Variants in LRRC9 observed in about 807,000 individuals in gnomAD.
LRRC9 encodes leucine rich repeat containing 9.
LRRC9 carries 122 observed loss-of-function variants against 63.2 expected under a neutral mutation model. That is an observed-to-expected ratio of 1.93 (90% CI 1.67 to 2.24). LRRC9 has a LOEUF of 2.24. Ranked by LOEUF, LRRC9 falls within the 30% of genes most tolerant of loss-of-function variation. The probability of loss-of-function intolerance (pLI) is 0.00; values close to 1 mark genes in which losing one functional copy is unlikely to be tolerated. For synonymous variants in LRRC9, 366 were observed against 213.1 expected, an observed-to-expected ratio of 1.72 and a Z score of -6.25; for missense variants, 1,071 against 627.7, an observed-to-expected ratio of 1.71 and a Z score of -7.55.
Position 59,930,903 on chromosome 14 carries a change from CCTTTT to C in LRRC9, c.268-9_268-5del, listed in dbSNP as rs1361798929. The C allele has an allele frequency of 9.6e-6, 4 of 418,514 alleles. No homozygotes were observed. Among genetic ancestry groups the C allele is most frequent in the Non-Finnish European group, 1.7e-5 (4 of 232,126 alleles). 25.9% of individuals were successfully genotyped at this position (418,514 alleles called of 1,614,324 possible). On this transcript the variant is annotated splice_polypyrimidine_tract_variant and intron_variant, in intron 3 of 31. Transcript: ENST00000445360. This position sits in a 1 kb window ranked among gnomAD's most constrained non-coding sequence, Gnocchi z 4.9. ...AACATAAACTAACATTATTCAGTCT[CCTTTT>C]CTTTTACAGAAAATTGAAGGTCTTC... is the stretch of plus-strand genomic sequence containing the variant.
chr14:59,924,253 G>A (rs1889019583), intron 1 of LRRC9, among the ~76,000 whole-genome samples: 1 of 152,172 alleles, frequency 6.6e-6, no homozygotes, highest in African/African-American at 2.4e-5. Flanking sequence ...CTTTCCACGA[G>A]TAGAGGTGCT....
intron 29 of LRRC9, among the ~76,000 whole-genome samples, chr14:60,038,018 A>G (rs1892601846): frequency 6.6e-6 from 1 of 152,236 alleles, no homozygotes; most frequent in Non-Finnish European, 1.5e-5. Context: ...TTTATTAAAT[A>G]GGGAATCCTT....
chr14:59,956,548 G>A lies in LRRC9; in HGVS notation c.883-3270G>A, dbSNP rs548429928. 2.6e-5 allele frequency among the ~76,000 whole-genome samples: 4 copies of A among 152,226 alleles called. 1 individual carries two copies. In the South Asian group the frequency reaches 8.3e-4, roughly 32 times the overall value. On this transcript the variant is annotated intron_variant, in intron 8 of 31. Transcript: ENST00000445360. ...ATGTGTGTCTTTGCACGTGAGAGGG[G>A]TCTCCTGAATACAGAACAGCAATGG...
chr14:60,048,128 A>G (rs160245), intron 29 of LRRC9, among the ~76,000 whole-genome samples: 113,968 of 152,012 alleles, frequency 0.75, 44,831 homozygotes, highest in Non-Finnish European at 0.87. Flanking sequence ...AGAATCTCTG[A>G]GGGCAGATAA....
Position 59,975,129 on chromosome 14 carries a change from A to G in LRRC9, c.1639+421A>G, listed in dbSNP as rs796648384. Among the ~76,000 whole-genome samples the G allele has an allele frequency of 7.2e-4, 8 of 11,090 alleles. 1 individual carries two copies. The highest frequency in any genetic ancestry group is 1.7e-3 in the Admixed American group (1 of 594). 7.3% of individuals were successfully genotyped at this position (11,090 alleles called of 152,430 possible). On this transcript the variant is annotated intron_variant, in intron 13 of 31. Coordinates refer to ENST00000445360, the Ensembl canonical transcript of LRRC9. The stretch of plus-strand genomic sequence containing the variant: ...TATATATATGTATATATATATATGT[A>G]TATATATATACATATATATATGTAT...
chr14:60,063,387 A>G (rs1894782056), exon 32 of LRRC9: 1 of 701,460 alleles, frequency 1.4e-6, no homozygotes. Flanking sequence ...ATGAGCATAC[A>G]CCAAGAAACT....
At chr14:60,038,309 G>T (rs866931085) in intron 29 of LRRC9, among the ~76,000 whole-genome samples, 3 of 152,026 alleles carry the variant, frequency 2.0e-5, no homozygotes, top group East Asian at 1.9e-4. Flanking sequence ...GAAGAAAGTC[G>T]TTGGTAGCTT....
intron 14 of LRRC9, 70 bp from the exon 15 acceptor site, chr14:59,977,947 G>A: frequency 1.5e-6 from 1 of 651,444 alleles, no homozygotes; most frequent in Non-Finnish European, 2.8e-6. Context: ...ATTAAACTAT[G>A]TAAGAATGAA....
intron 21 of LRRC9, among the ~76,000 whole-genome samples, chr14:60,005,613 A>G (rs936516185): frequency 6.6e-6 from 1 of 152,100 alleles, no homozygotes; most frequent in Admixed American, 6.6e-5. Flanking sequence ...CAGTCCCACA[A>G]TAGGAACTGA....
chr14:59,952,259 T>C (rs1566807284), intron 8 of LRRC9, among the ~76,000 whole-genome samples: 1 of 152,072 alleles, frequency 6.6e-6, no homozygotes, highest in Non-Finnish European at 1.5e-5. Context: ...AGTGACCCGA[T>C]TTTCCAGGTG....
chr14:60,057,365 A>G (rs1288499642), intron 30 of LRRC9, among the ~76,000 whole-genome samples: 1 of 152,178 alleles, frequency 6.6e-6, no homozygotes, highest in Non-Finnish European at 1.5e-5. Context: ...TACATTCACT[A>G]AAATTGATTA....
chr14:59,999,260 T>C (rs1438508153), intron 19 of LRRC9, 34 bp downstream of exon 19: 1 of 684,440 alleles, frequency 1.5e-6, no homozygotes, highest in African/African-American at 1.8e-5. Context: ...CATTGTGCTA[T>C]TTAGAACATA....
rs568936488 is a variant in LRRC9 at position 59,922,294 on chromosome 14, T to C, written c.-34+2411T>C. ...GCTGTCTTTGGCCATTAGAAGGTTA[T>C]TTTTGACCTTGTAGTGGCTTGAGGT... is the stretch of plus-strand genomic sequence containing the variant. On this transcript the variant is annotated intron_variant, in intron 1 of 31. Coordinates refer to ENST00000445360, the Ensembl canonical transcript of LRRC9. This position sits in a 1 kb window ranked among gnomAD's most constrained non-coding sequence, Gnocchi z 5.3. 6.6e-6 allele frequency among the ~76,000 whole-genome samples: 1 copy of C among 152,264 alleles called. No homozygotes were observed. Among genetic ancestry groups the C allele is most frequent in the South Asian group, 2.1e-4 (1 of 4,816 alleles).
intron 28 of LRRC9, among the ~76,000 whole-genome samples, chr14:60,029,224 A>T (rs1891796077): frequency 6.6e-6 from 1 of 152,032 alleles, no homozygotes; most frequent in African/African-American, 2.4e-5. Context: ...GTCATCACAG[A>T]TCTTACCTGG....
downstream of LRRC9, among the ~76,000 whole-genome samples, chr14:60,064,249 T>C (rs559674743): frequency 6.6e-6 from 1 of 152,228 alleles, no homozygotes; most frequent in Non-Finnish European, 1.5e-5. Flanking sequence ...GTTATGAATT[T>C]GCTTGTTACA....
rs1884020809 is a variant in LRRC9, at chr14:59,958,473, C to A, written c.883-1345C>A. Among the ~76,000 whole-genome samples the A allele has an allele frequency of 6.6e-6, 1 of 152,186 alleles. No individual in the cohort carries two copies. Among genetic ancestry groups the A allele is most frequent in the Non-Finnish European group, 1.5e-5 (1 of 68,030 alleles). On this transcript the variant is annotated intron_variant, in intron 8 of 31. Coordinates refer to ENST00000445360, the Ensembl canonical transcript of LRRC9. This position sits in a 1 kb window ranked among gnomAD's most constrained non-coding sequence, Gnocchi z 4.0. The stretch of plus-strand genomic sequence containing the variant: ...CCTCAGTAATGGTGGACACCCCTGC[C>A]CCAACCAAGCTCAATCGACCCAGGT...
At chr14:60,063,163 C>T (rs1894766721) in intron 31 of LRRC9, among the ~76,000 whole-genome samples, 160 bp from the exon 33 acceptor site, 1 of 152,010 alleles carries the variant, frequency 6.6e-6, no homozygotes, top group Admixed American at 6.6e-5. Context: ...CCAAAGTGCT[C>T]GGATTACAGG....
At chr14:59,967,026 G>A in intron 11 of LRRC9, 70 bp from the exon 12 acceptor site, 1 of 558,724 alleles carries the variant, frequency 1.8e-6, no homozygotes, top group South Asian at 2.5e-5. Context: ...AGGACATATG[G>A]TTATCTTATC....
At position 60,055,401 on chromosome 14, in the gene LRRC9, C is replaced by T. The variant is rs78549469; in HGVS notation, c.4131+2196C>T. The stretch of plus-strand genomic sequence containing the variant: ...GGTCAAATAAAATTTAGTTCAGTGA[C>T]TTAAGATGATTTCTTTCCTTTTCCC... On this transcript the variant is annotated intron_variant, in intron 30 of 31. Transcript: ENST00000445360. Among the ~76,000 whole-genome samples, 514 of 152,158 alleles carry T rather than the reference C, an allele frequency of 3.4e-3. 18 individuals are homozygous for T. In the East Asian group the frequency reaches 0.059, roughly 17 times the overall value.
Sources: allele counts gnomAD v4.1 joint callset (sites outside exome capture counted in the v4.1 genomes callset), GRCh38; gene constraint gnomAD v4.1.1; non-coding constraint Gnocchi (gnomAD v3.1); transcripts MANE v1.5; gene names NCBI Gene and HGNC (gene_info 2026-07-23, HGNC 2026-07-21).